The following PACRG variants were observed in gnomAD, a reference collection of about 807,000 sequenced individuals.
PACRG encodes the protein parkin coregulated gene protein.
In PACRG, 29 loss-of-function variants were observed where a neutral mutation model predicts 29.7. The ratio of observed to expected loss-of-function variants is 0.98; its 90% CI spans 0.73 to 1.33. The LOEUF (loss-of-function observed/expected upper bound fraction) is 1.33, where lower values mean the gene tolerates loss of function less well. PACRG is among the 40% of genes most tolerant of loss of function. The pLI is 0.00. For missense variants in PACRG, 279 were observed against 316.2 expected (o/e 0.88, Z 0.89); for synonymous variants, 116 against 118.7 (o/e 0.98, Z 0.15).
chr6:163,289,285 C>T (rs1157623136), intron 4 of PACRG, among the ~76,000 whole-genome samples: 1 of 152,130 alleles, frequency 6.6e-6, no homozygotes, highest in Non-Finnish European at 1.5e-5. Flanking sequence ...CCTGATTTGG[C>T]ATTAAATGCG....
chr6:163,214,292 A>G (rs1042872261), intron 4 of PACRG, among the ~76,000 whole-genome samples: 1 of 152,182 alleles, frequency 6.6e-6, no homozygotes, highest in African/African-American at 2.4e-5. Context: ...CATATTGGAC[A>G]GCAGAGTTTT....
intron 4 of PACRG, chr6:163,312,635 G>A (rs1785470768): frequency 3.8e-6 from 1 of 265,778 alleles, no homozygotes; most frequent in Non-Finnish European, 7.5e-6. Context: ...GACTTCAAAT[G>A]CATATCCATT....
Position 162,880,442 on chromosome 6 carries a change from GAAC to G in PACRG, c.291+66173_291+66175del, listed in dbSNP as rs547567473. 7.0e-4 allele frequency among the ~76,000 whole-genome samples: 106 copies of G among 152,154 alleles called. 1 individual carries two copies. The highest frequency in any genetic ancestry group is 2.1e-3 in the African/African-American group (89 of 41,496). On this transcript the variant is annotated intron_variant, in intron 2 of 4. Coordinates refer to ENST00000366888, the MANE Select transcript of PACRG (RefSeq NM_001080379.2). ...TCTGCTTATTATAGAAAGAGCAAAG[GAAC>G]AACAACAACAAAACAGGGCCTATCA...
intron 2 of PACRG, among the ~76,000 whole-genome samples, chr6:162,892,709 G>C (rs1794855644): frequency 6.6e-6 from 1 of 152,168 alleles, no homozygotes; most frequent in African/African-American, 2.4e-5. Flanking sequence ...CAAAATGGTG[G>C]CCGTGACAGG....
intron 1 of PACRG, among the ~76,000 whole-genome samples, chr6:162,767,272 C>T (rs539369940): frequency 6.6e-6 from 1 of 151,920 alleles, no homozygotes; most frequent in African/African-American, 2.4e-5. Flanking sequence ...TAAAGTTTTC[C>T]ACTGTTATGA....
intron 4 of PACRG, among the ~76,000 whole-genome samples, chr6:163,276,700 T>C (rs561685198): frequency 2.0e-5 from 3 of 152,188 alleles, no homozygotes; most frequent in Admixed American, 1.3e-4. Context: ...TCATGAATGA[T>C]ATTAACACCC....
intron 2 of PACRG, among the ~76,000 whole-genome samples, chr6:162,825,088 A>C (rs1788164383): frequency 6.6e-6 from 1 of 152,298 alleles, no homozygotes; most frequent in Non-Finnish European, 1.5e-5. Context: ...TGCCATATTA[A>C]GAAATAATAA....
intron 2 of PACRG, among the ~76,000 whole-genome samples, chr6:162,944,868 C>G (rs1286043653): frequency 1.3e-5 from 2 of 151,414 alleles, no homozygotes; most frequent in Non-Finnish European, 2.9e-5. Context: ...TTTTGGTGTA[C>G]CAGAAGGTGA....
intron 4 of PACRG, among the ~76,000 whole-genome samples, chr6:163,226,760 C>G (rs12210922): frequency 0.55 from 83,532 of 152,140 alleles, 22,978 homozygotes; most frequent in East Asian, 0.64. Flanking sequence ...AACCTGTTCT[C>G]TAGGAGGGTT....
chr6:162,836,179 AAG>A (rs1789205845), intron 2 of PACRG, among the ~76,000 whole-genome samples: 1 of 152,170 alleles, frequency 6.6e-6, no homozygotes, highest in African/African-American at 2.4e-5. Context: ...GAATGGGAAA[AAG>A]AGATAATCAC....
At chr6:163,086,288 C>A (rs944865998) in intron 3 of PACRG, among the ~76,000 whole-genome samples, 8 of 152,208 alleles carry the variant, frequency 5.3e-5, no homozygotes, top group Non-Finnish European at 4.4e-5. Context: ...CTGCAACACG[C>A]TGCGTGCCTT....
intron 4 of PACRG, among the ~76,000 whole-genome samples, chr6:163,243,185 A>G (rs16894688): frequency 0.081 from 12,257 of 152,194 alleles, 993 homozygotes; most frequent in East Asian, 0.21. Flanking sequence ...CACTCTGAGT[A>G]CTGAAGCTGT....
At chr6:162,914,518 T>TTTTTTTTTTTTA (rs1796561222) in intron 2 of PACRG, among the ~76,000 whole-genome samples, 1 of 147,578 alleles carries the variant, frequency 6.8e-6, no homozygotes, top group Non-Finnish European at 1.5e-5. Flanking sequence ...GTTTTTTTTT[T>TTTTTTTTTTTTA]TTTTTTTTTT....
chr6:163,144,973 C>T (rs1467281438), intron 4 of PACRG, among the ~76,000 whole-genome samples: 2 of 152,134 alleles, frequency 1.3e-5, no homozygotes, highest in Non-Finnish European at 2.9e-5. Context: ...TCCCCATCCC[C>T]TCTGAGCCCT....
intron 1 of PACRG, among the ~76,000 whole-genome samples, chr6:162,810,585 A>G (rs1786768658): frequency 6.6e-6 from 1 of 152,212 alleles, no homozygotes. Flanking sequence ...AAAGTCTCAG[A>G]AAAGAAATAG....
At chr6:162,761,398 G>A (rs778510154) in intron 1 of PACRG, among the ~76,000 whole-genome samples, 4 of 152,036 alleles carry the variant, frequency 2.6e-5, no homozygotes, top group Non-Finnish European at 5.9e-5. Flanking sequence ...ATATAAAGGC[G>A]CAGGATCACG....
At chr6:163,239,869 G>A (rs918930781) in intron 4 of PACRG, among the ~76,000 whole-genome samples, 7 of 84,018 alleles carry the variant, frequency 8.3e-5, no homozygotes, top group Non-Finnish European at 1.3e-4. Context: ...CTCCCACCCC[G>A]ACATACACAC....
At chr6:162,952,547 A>C (rs1274021161) in intron 2 of PACRG, among the ~76,000 whole-genome samples, 1 of 152,216 alleles carries the variant, frequency 6.6e-6, no homozygotes, top group Non-Finnish European at 1.5e-5. Context: ...GTATCTCTTC[A>C]GTCTCTTGTG....
At chr6:162,905,271 G>A (rs73786131) in intron 2 of PACRG, among the ~76,000 whole-genome samples, 5,843 of 152,258 alleles carry the variant, frequency 0.038, 387 homozygotes, top group African/African-American at 0.13. Flanking sequence ...CAGGAGAGCT[G>A]CCTGTACTAT....
Sources: gnomAD v4.1 joint callset for allele counts (sites outside exome capture counted in the v4.1 genomes callset) on GRCh38, gnomAD v4.1.1 for gene constraint, MANE v1.5 for transcripts, NCBI Gene and HGNC (gene_info 2026-07-23, HGNC 2026-07-21) for gene names.